PCDH15: variants seen among roughly 807,000 people sequenced by gnomAD.
PCDH15 encodes protocadherin-15.
Under a neutral mutation model 178.5 loss-of-function variants are expected in PCDH15, and 129 were observed. The ratio of observed to expected loss-of-function variants is 0.72; its 90% CI spans 0.63 to 0.84. The LOEUF is 0.84. PCDH15 is among the 40% of genes least tolerant of loss of function. PCDH15 has a pLI of 0.00. For synonymous variants in PCDH15, 800 were observed against 732.0 expected, an observed-to-expected ratio of 1.09 and a Z score of -1.50; for missense variants, 2,230 against 2,099.9, an observed-to-expected ratio of 1.06 and a Z score of -1.21.
intron 2 of PCDH15, among the ~76,000 whole-genome samples, chr10:55,125,163 TTGTGTG>T (rs34423359): frequency 0.076 from 10,832 of 143,042 alleles, 551 homozygotes; most frequent in East Asian, 0.26. Flanking sequence ...TTTTTTTTAA[TTGTGTG>T]TGTGTGTGTG....
chr10:54,713,330 T>C (rs2095444968), intron 1 of PCDH15, among the ~76,000 whole-genome samples: 1 of 152,026 alleles, frequency 6.6e-6, no homozygotes, highest in East Asian at 1.9e-4. Flanking sequence ...CAAAACTCCT[T>C]ACATGAGTCA....
At chr10:54,883,892 A>G (rs765715845) in intron 3 of PCDH15, among the ~76,000 whole-genome samples, 8 of 152,026 alleles carry the variant, frequency 5.3e-5, no homozygotes, top group Non-Finnish European at 1.2e-4. Flanking sequence ...ATAATTTTAT[A>G]TAATTTATAT....
chr10:54,107,457 G>A (rs1015162755), intron 15 of PCDH15, among the ~76,000 whole-genome samples: 1 of 152,212 alleles, frequency 6.6e-6, no homozygotes, highest in Non-Finnish European at 1.5e-5. Flanking sequence ...GGAGGAACAT[G>A]CAGTAGTATT....
intron 2 of PCDH15, among the ~76,000 whole-genome samples, chr10:55,345,041 T>G (rs1407277229): frequency 2.6e-5 from 4 of 152,006 alleles, no homozygotes; most frequent in African/African-American, 9.7e-5. Flanking sequence ...AATCTCAGAA[T>G]AGAGATTATT....
chr10:54,218,663 C>T (rs963927304), intron 9 of PCDH15, among the ~76,000 whole-genome samples: 3 of 151,074 alleles, frequency 2.0e-5, no homozygotes, highest in Non-Finnish European at 2.9e-5. Flanking sequence ...GAGAAAACAC[C>T]TTTCTGTTGC....
At chr10:54,402,974 A>G (rs1039411632) in intron 3 of PCDH15, among the ~76,000 whole-genome samples, 4 of 152,052 alleles carry the variant, frequency 2.6e-5, no homozygotes, top group African/African-American at 9.7e-5. Flanking sequence ...GCATGTTGTA[A>G]CCAAGATAGG....
chr10:55,577,901 A>C (rs1195240463), intron 2 of PCDH15, among the ~76,000 whole-genome samples: 3 of 152,146 alleles, frequency 2.0e-5, no homozygotes, highest in Admixed American at 1.3e-4. Context: ...AGAAAGGAGA[A>C]ATTTAACTTT....
chr10:55,089,108 A>G (rs1287385531), intron 2 of PCDH15, among the ~76,000 whole-genome samples: 3 of 152,172 alleles, frequency 2.0e-5, no homozygotes, highest in African/African-American at 7.2e-5. Flanking sequence ...TGTGACTAAA[A>G]TTTCTATTTC....
At chr10:53,976,694 A>ATT (rs11369305) in intron 21 of PCDH15, among the ~76,000 whole-genome samples, 3 of 151,504 alleles carry the variant, frequency 2.0e-5, no homozygotes, top group Non-Finnish European at 2.9e-5. Context: ...ATTCGAGTAG[A>ATT]TTTTTTTTGT....
chr10:54,462,480 C>CTTTTT (rs1422830079), intron 3 of PCDH15, among the ~76,000 whole-genome samples: 1 of 127,976 alleles, frequency 7.8e-6, no homozygotes. Flanking sequence ...TTCTTTCTTT[C>CTTTTT]TTTTCTTTTC....
rs1460974826 is a variant in PCDH15, at chr10:54,671,028, TCTCA to T, written c.-28-6742_-28-6739del. On this transcript the variant is annotated intron_variant, in intron 1 of 37. Transcript: ENST00000644397. ...TCTCAGTCTTTTAGATAAATACATT[TCTCA>T]CTATTTGTTAGAAAAGTCATGGGAA... Among the ~76,000 whole-genome samples the T allele has an allele frequency of 7.9e-5, 12 of 152,244 alleles. No individual in the cohort carries two copies. The East Asian group carries it at 2.3e-3, about 29-fold the overall frequency.
At chr10:54,515,847 G>A (rs560026506) in intron 3 of PCDH15, among the ~76,000 whole-genome samples, 53 of 152,264 alleles carry the variant, frequency 3.5e-4, no homozygotes, top group Admixed American at 5.9e-4. Context: ...TACAGCCACC[G>A]CTGTTCTGCA....
At chr10:53,807,254 A>C (rs894372691) in intron 37 of PCDH15, 124 bp from the exon 38 acceptor site, 2 of 743,276 alleles carry the variant, frequency 2.7e-6, no homozygotes, top group Non-Finnish European at 2.1e-6. Flanking sequence ...CACTCAAGAG[A>C]GATAGAAGGA....
At chr10:55,056,610 T>TTTTTTA (rs369072989) in intron 2 of PCDH15, among the ~76,000 whole-genome samples, 6 of 142,992 alleles carry the variant, frequency 4.2e-5, no homozygotes, top group Non-Finnish European at 9.1e-5. Context: ...TTTATTTTGT[T>TTTTTTA]TTATTATTAT....
rs541905852 is a variant in PCDH15, at chr10:55,261,022, C to T, written c.-156+58577G>A. On this transcript the variant is annotated intron_variant, in intron 1 of 5. Coordinates refer to the PCDH15 transcript ENST00000458638. Reference sequence around the variant, plus strand: ...GATGCTTCTGGGGTAATGTGATGGTCCACAAACACCAACACTAAAAATGAA... The same window carrying T: ...GATGCTTCTGGGGTAATGTGATGGTTCACAAACACCAACACTAAAAATGAA... Among the ~76,000 whole-genome samples, 38 of 151,510 alleles carry T rather than the reference C, an allele frequency of 2.5e-4. No individual in the cohort carries two copies. The East Asian group carries it at 7.0e-3, about 28-fold the overall frequency.
chr10:54,636,897 G>A (rs879134513), intron 2 of PCDH15, among the ~76,000 whole-genome samples: 6 of 151,868 alleles, frequency 4.0e-5, no homozygotes, highest in Admixed American at 1.3e-4. Flanking sequence ...TTTACACAAC[G>A]TCATATCAAG....
Position 54,898,976 on chromosome 10 carries a change from G to C in PCDH15, c.-79-1476C>G, listed in dbSNP as rs540717797. Among the ~76,000 whole-genome samples the C allele has an allele frequency of 2.6e-5, 4 of 152,290 alleles. No individual in the cohort carries two copies. The South Asian group carries it at 8.3e-4, about 32-fold the overall frequency. ...GGGAAGGAAACTTGGAGATCATGGA[G>C]ACTGAACTCCATTTTTCTGCAAGAT... is the stretch of plus-strand genomic sequence containing the variant. On this transcript the variant is annotated intron_variant, in intron 2 of 5. Transcript: ENST00000458638.
intron 2 of PCDH15, chr10:54,641,119 TA>T: frequency 8.2e-6 from 2 of 245,016 alleles, no homozygotes; most frequent in South Asian, 3.9e-5. Flanking sequence ...ATGAATATAA[TA>T]AAAATTAAAA....
chr10:53,838,252 G>A (rs1027316736), intron 29 of PCDH15, among the ~76,000 whole-genome samples: 3 of 152,078 alleles, frequency 2.0e-5, no homozygotes, highest in African/African-American at 7.2e-5. Flanking sequence ...TGGGATTACA[G>A]GCGTGAGCTA....
Sources: allele counts gnomAD v4.1 joint callset (sites outside exome capture counted in the v4.1 genomes callset), GRCh38; gene constraint gnomAD v4.1.1; transcripts MANE v1.5; gene names NCBI Gene and HGNC (gene_info 2026-07-23, HGNC 2026-07-21).